The following NPAS3 variants were observed in gnomAD, a reference collection of about 807,000 sequenced individuals.
NPAS3 encodes neuronal PAS domain protein 3, also known as neuronal PAS domain-containing protein 3.
In NPAS3, 14 loss-of-function variants were observed where a neutral mutation model predicts 73.1. That is an observed-to-expected ratio of 0.19 (90% confidence interval 0.13 to 0.30). The LOEUF (loss-of-function observed/expected upper bound fraction) is 0.30, where lower values mean the gene tolerates loss of function less well. Ranked by LOEUF, NPAS3 falls within the 10% of genes least tolerant of loss-of-function variation. The probability of loss-of-function intolerance (pLI) is 1.00; values close to 1 mark genes in which losing one functional copy is unlikely to be tolerated. For synonymous variants in NPAS3, 620 were observed against 541.5 expected (o/e 1.14, Z -2.01); for missense variants, 1,096 against 1,250.0 (o/e 0.88, Z 1.86).
Position 33,714,615 on chromosome 14 carries a change from T to A in NPAS3, c.734-20599T>A, listed in dbSNP as rs551896149. Among the ~76,000 whole-genome samples the A allele has an allele frequency of 4.8e-3, 728 of 152,324 alleles. 8 individuals are homozygous for A. Among genetic ancestry groups the A allele is most frequent in the African/African-American group, 0.017 (703 of 41,558 alleles). ...ACTTTGGGTAAGAAGTCAACAGTAC[T>A]AACTATATTTTCTTTAATTTATTTC... On this transcript the variant is annotated intron_variant, in intron 6 of 11. Transcript: ENST00000356141.
rs5807716 is a variant in NPAS3 at position 33,333,587 on chromosome 14, C to CT, written c.386-33591dup. On this transcript the variant is annotated intron_variant, in intron 3 of 11. Transcript: ENST00000356141. ...GAGAAAACTGAGACTCATACCCAGA[C>CT]TTTTTTTTCCTGGGAGTCCATTGCA... is the stretch of plus-strand genomic sequence containing the variant. 3.3e-5 allele frequency among the ~76,000 whole-genome samples: 5 copies of CT among 151,904 alleles called. No individual in the cohort carries two copies. In the South Asian group the frequency reaches 8.3e-4, roughly 25 times the overall value.
chr14:33,268,282 C>A (rs1347211582), intron 3 of NPAS3, among the ~76,000 whole-genome samples: 1 of 152,100 alleles, frequency 6.6e-6, no homozygotes, highest in African/African-American at 2.4e-5. Flanking sequence ...GAATACAGAC[C>A]TGCTTGATCT....
At chr14:33,276,938 AGTGCCTACTAT>A (rs1340821891) in intron 3 of NPAS3, among the ~76,000 whole-genome samples, 5 of 152,140 alleles carry the variant, frequency 3.3e-5, no homozygotes, top group African/African-American at 1.2e-4. Flanking sequence ...ACACTCATAG[AGTGCCTACTAT>A]GTGCCTACTA....
intron 3 of NPAS3, among the ~76,000 whole-genome samples, chr14:33,268,283 TG>T (rs1399404081): frequency 2.0e-5 from 3 of 152,184 alleles, no homozygotes; most frequent in Non-Finnish European, 4.4e-5. Flanking sequence ...AATACAGACC[TG>T]CTTGATCTCT....
intron 6 of NPAS3, among the ~76,000 whole-genome samples, chr14:33,682,286 C>T (rs553965725): frequency 2.0e-5 from 3 of 152,304 alleles, no homozygotes; most frequent in East Asian, 1.9e-4. Flanking sequence ...TCCCCCAAAT[C>T]GGTCTGACTT....
chr14:33,178,865 T>G (rs1208893678), intron 2 of NPAS3, among the ~76,000 whole-genome samples: 1 of 152,204 alleles, frequency 6.6e-6, no homozygotes, highest in African/African-American at 2.4e-5. Context: ...TGAATAGCAT[T>G]GGTAAAAGTA....
intron 6 of NPAS3, among the ~76,000 whole-genome samples, chr14:33,696,569 T>G (rs1455779720): frequency 6.6e-6 from 1 of 152,194 alleles, no homozygotes; most frequent in Non-Finnish European, 1.5e-5. Context: ...TTTTCATAGG[T>G]GGACAGCAGC....
At chr14:33,010,988 T>C (rs1418748899) in intron 1 of NPAS3, among the ~76,000 whole-genome samples, 1 of 151,726 alleles carries the variant, frequency 6.6e-6, no homozygotes, top group Non-Finnish European at 1.5e-5. Context: ...ATGTGAGCTC[T>C]AAATACATTT....
intron 1 of NPAS3, among the ~76,000 whole-genome samples, chr14:33,024,009 A>G (rs2039703752): frequency 6.6e-6 from 1 of 152,208 alleles, no homozygotes; most frequent in Non-Finnish European, 1.5e-5. Flanking sequence ...AAGGAAAACC[A>G]GACACTTTAG....
intron 4 of NPAS3, among the ~76,000 whole-genome samples, chr14:33,368,722 G>A (rs113431674): frequency 1.6e-4 from 25 of 152,046 alleles, no homozygotes; most frequent in Non-Finnish European, 2.6e-4. Context: ...TTACAACCTA[G>A]GATTAGTTTC....
chr14:33,578,415 A>G (rs2056533537), intron 5 of NPAS3: 11 of 352,086 alleles, frequency 3.1e-5, no homozygotes, highest in South Asian at 2.4e-4. Flanking sequence ...GGTGGTCTGG[A>G]ACTCAAAACC....
At chr14:33,027,739 T>C (rs533176218) in intron 1 of NPAS3, among the ~76,000 whole-genome samples, 2 of 152,286 alleles carry the variant, frequency 1.3e-5, no homozygotes, top group South Asian at 4.1e-4. Context: ...TGCTACCCTT[T>C]AATAAGTGAA....
At chr14:33,152,157 G>A (rs921435564) in intron 2 of NPAS3, among the ~76,000 whole-genome samples, 27 of 151,950 alleles carry the variant, frequency 1.8e-4, no homozygotes, top group African/African-American at 6.3e-4. Context: ...CCTACAGTGC[G>A]CAGGAAAGCC....
At chr14:33,135,691 C>G (rs1466003401) in intron 2 of NPAS3, among the ~76,000 whole-genome samples, 1 of 152,044 alleles carries the variant, frequency 6.6e-6, no homozygotes, top group Admixed American at 6.6e-5. Context: ...AAAACAATTT[C>G]CCTCTTGACT....
At chr14:33,771,388 G>A (rs749177176) in intron 7 of NPAS3, among the ~76,000 whole-genome samples, 1 of 152,054 alleles carries the variant, frequency 6.6e-6, no homozygotes, top group South Asian at 2.1e-4. Context: ...CAACTATTTA[G>A]TTACTGCTTT....
At chr14:33,509,292 C>A (rs2052924981) in intron 4 of NPAS3, among the ~76,000 whole-genome samples, 1 of 151,904 alleles carries the variant, frequency 6.6e-6, no homozygotes, top group Non-Finnish European at 1.5e-5. Flanking sequence ...TTTTCTAGGG[C>A]AAGAACAGAA....
Position 33,730,860 on chromosome 14 carries a change from G to A in NPAS3, c.734-4354G>A, listed in dbSNP as rs1193596880. On this transcript the variant is annotated intron_variant, in intron 6 of 11. Coordinates refer to ENST00000356141, the Ensembl canonical transcript of NPAS3. ...TCTTTTGCCTTGTTAAAGTCATTTT[G>A]GATAATTGCTCTTTAGTTCGTCCTG... Among the ~76,000 whole-genome samples the A allele has an allele frequency of 3.9e-5, 6 of 152,108 alleles. No homozygotes were observed. In the East Asian group the frequency reaches 1.2e-3, roughly 29 times the overall value.
intron 5 of NPAS3, among the ~76,000 whole-genome samples, chr14:33,604,556 G>A (rs1279576490): frequency 6.6e-6 from 1 of 152,072 alleles, no homozygotes; most frequent in Non-Finnish European, 1.5e-5. Context: ...TAGACAGAAA[G>A]TCAGTAAAGA....
chr14:33,484,272 T>C (rs1467107828), intron 4 of NPAS3, among the ~76,000 whole-genome samples: 1 of 152,144 alleles, frequency 6.6e-6, no homozygotes, highest in Non-Finnish European at 1.5e-5. Flanking sequence ...TGAGGAACTA[T>C]GTAGGAAGCA....
Sources: allele counts gnomAD v4.1 joint callset (sites outside exome capture counted in the v4.1 genomes callset), GRCh38; gene constraint gnomAD v4.1.1; transcripts MANE v1.5; gene names NCBI Gene and HGNC (gene_info 2026-07-23, HGNC 2026-07-21).